The following FIRRM variants were observed in gnomAD, a reference collection of about 807,000 sequenced individuals.
FIRRM encodes the protein FIGNL1-interacting regulator of recombination and mitosis.
the FIRRM span, among the ~76,000 whole-genome samples, chr1:169,789,645 T>TC: frequency 2.0e-5 from 3 of 152,130 alleles, no homozygotes; most frequent in African/African-American, 7.2e-5. Context: ...AACCAAAGCT[T>TC]CCAAAAAAGA....
chr1:169,808,125 T>C, the FIRRM span, among the ~76,000 whole-genome samples: 32 of 152,186 alleles, frequency 2.1e-4, no homozygotes, highest in African/African-American at 7.7e-4. Flanking sequence ...GATTCCTAAC[T>C]GCTGTCATTG....
chr1:169,836,964 A>G, the FIRRM span: 1 of 1,611,556 alleles, frequency 6.2e-7, no homozygotes, highest in Non-Finnish European at 8.5e-7. Flanking sequence ...AAAGAAGCAG[A>G]AAATCTGCCT....
At chr1:169,793,947 A>C in the FIRRM span, 1 of 361,134 alleles carries the variant, frequency 2.8e-6, no homozygotes, top group African/African-American at 2.1e-5. Flanking sequence ...TTAAAGCAAA[A>C]TGGCACATTT....
the FIRRM span, chr1:169,803,187 G>C: frequency 2.2e-5 from 36 of 1,613,686 alleles, no homozygotes; most frequent in Non-Finnish European, 3.1e-5. Context: ...GCAGCTCTTA[G>C]GAGCTCTCAC....
the FIRRM span, chr1:169,849,746 CTT>C: frequency 1.6e-6 from 1 of 629,008 alleles, no homozygotes; most frequent in Non-Finnish European, 2.8e-6. Context: ...CTCGTTATCT[CTT>C]TTACAGCTTC....
At chr1:169,802,968 G>A in the FIRRM span, among the ~76,000 whole-genome samples, 2 of 152,222 alleles carry the variant, frequency 1.3e-5, no homozygotes, top group Non-Finnish European at 2.9e-5. Context: ...CACCTGCCAT[G>A]TGTTTTGAAG....
At chr1:169,790,181 T>TTATC in the FIRRM span, among the ~76,000 whole-genome samples, 1 of 147,966 alleles carries the variant, frequency 6.8e-6, no homozygotes, top group Non-Finnish European at 1.5e-5. Flanking sequence ...TATCTTTTTT[T>TTATC]TTTCTCTTTT....
the FIRRM span, among the ~76,000 whole-genome samples, chr1:169,814,246 CTT>C: frequency 6.6e-6 from 1 of 152,084 alleles, no homozygotes; most frequent in Admixed American, 6.5e-5. Context: ...TTTATCAAAA[CTT>C]AGCACACAGA....
At chr1:169,795,469 G>A in the FIRRM span, 1 of 1,275,040 alleles carries the variant, frequency 7.8e-7, no homozygotes, top group Admixed American at 3.6e-5. Flanking sequence ...CAGTGGATGT[G>A]GCGTTTTCTT....
chr1:169,837,128 T>C, the FIRRM span: 4 of 1,564,448 alleles, frequency 2.6e-6, no homozygotes, highest in Admixed American at 4.1e-5. Flanking sequence ...ATAATAATTT[T>C]GATTTATTTT....
the FIRRM span, among the ~76,000 whole-genome samples, chr1:169,810,891 C>T: frequency 1.2e-4 from 12 of 101,948 alleles, no homozygotes; most frequent in East Asian, 1.1e-3. Context: ...CTCGCTCTGT[C>T]GCCCAGGCCG....
At chr1:169,827,636 T>G in the FIRRM span, 2 of 1,556,324 alleles carry the variant, frequency 1.3e-6, no homozygotes, top group Non-Finnish European at 1.8e-6. Flanking sequence ...AGACTCTGAC[T>G]CAAACAAAAA....
the FIRRM span, chr1:169,851,268 A>T: frequency 6.5e-6 from 1 of 153,112 alleles, no homozygotes; most frequent in African/African-American, 2.4e-5. Flanking sequence ...TTGATATATT[A>T]CATGTAATGA....
At chr1:169,826,891 A>G in the FIRRM span, among the ~76,000 whole-genome samples, 4 of 152,200 alleles carry the variant, frequency 2.6e-5, no homozygotes, top group African/African-American at 9.6e-5. Context: ...TCTGGTATCA[A>G]TTCAGTACTT....
the FIRRM span, among the ~76,000 whole-genome samples, chr1:169,828,445 T>C: frequency 6.6e-6 from 1 of 152,210 alleles, no homozygotes; most frequent in African/African-American, 2.4e-5. Context: ...CTCATTCTTG[T>C]ATTCATTTTC....
At chr1:169,824,408 A>G in the FIRRM span, among the ~76,000 whole-genome samples, 2 of 152,316 alleles carry the variant, frequency 1.3e-5, no homozygotes, top group Admixed American at 6.5e-5. Context: ...TGAGTATACA[A>G]ATATGCTGTT....
chr1:169,811,935 C>CAAAG, the FIRRM span, among the ~76,000 whole-genome samples: 112 of 148,930 alleles, frequency 7.5e-4, no homozygotes, highest in South Asian at 4.7e-3. Flanking sequence ...TAGATAGAAA[C>CAAAG]AAAGAAAGAA....
chr1:169,809,589 G>T, the FIRRM span, among the ~76,000 whole-genome samples: 2 of 152,086 alleles, frequency 1.3e-5, no homozygotes, highest in Admixed American at 1.3e-4. Context: ...GCTTAGCCAG[G>T]GTGGCTGTAC....
chr1:169,852,289 G>A, the FIRRM span: 1 of 308,206 alleles, frequency 3.2e-6, no homozygotes, highest in Non-Finnish European at 6.1e-6. Context: ...AATCAAATGA[G>A]TCTCCTAATA....
Sources: allele counts gnomAD v4.1 joint callset (sites outside exome capture counted in the v4.1 genomes callset), GRCh38; gene constraint gnomAD v4.1.1; transcripts MANE v1.5; gene names NCBI Gene and HGNC (gene_info 2026-07-23, HGNC 2026-07-21).